CELSR2: variants seen among roughly 807,000 people sequenced by gnomAD.
CELSR2 encodes the protein EGF-like protein 2.
Under a neutral mutation model 251.6 loss-of-function variants are expected in CELSR2, and 81 were observed. That is an observed-to-expected ratio of 0.32 (90% CI 0.27 to 0.39). The LOEUF (loss-of-function observed/expected upper bound fraction) is 0.39. Among genes scored for constraint, CELSR2 ranks in the 10% least tolerant of loss-of-function variants. The pLI is 1.00. For synonymous variants in CELSR2, 1,721 were observed against 1,670.5 expected (o/e 1.03, Z -0.74); for missense variants, 3,365 against 3,947.7 (o/e 0.85, Z 3.96).
At position 109,267,804 on chromosome 1, in the gene CELSR2, C is replaced by A; in HGVS notation, c.6109-47C>A. ...TCTCACCTCCTGAGGTCCTTTTGCT[C>A]CAGAGTTCCTGCCCTCACTCCTGCT... On this transcript the variant is annotated intron_variant, in intron 16 of 33. Transcript: ENST00000271332. 2.5e-6 allele frequency: 4 copies of A among 1,585,658 alleles called. No individual in the cohort carries two copies. In the South Asian group the frequency reaches 4.5e-5, roughly 18 times the overall value.
chr1:109,263,201 G>C lies in CELSR2; in HGVS notation c.4768G>C (p.Val1590Leu), dbSNP rs750030005. 3.8e-6 allele frequency: 6 copies of C among 1,599,542 alleles called. No individual in the cohort carries two copies. Among genetic ancestry groups the C allele is most frequent in the Non-Finnish European group, 8.6e-7 (1 of 1,168,364 alleles). The change falls in exon 8 of 34, where the codon GTG becomes CTG. Residue 1590 changes from valine to leucine, a missense_variant. Val to Leu is a conservative substitution (Grantham distance 32). Around this residue, in one of 5 missense-constraint regions of CELSR2, gnomAD observed 2,093 missense variants for 2,382.8 expected, o/e 0.88. Transcript: ENST00000271332. ...CACTTGCCACAATGGGGGCACTTGC[G>C]TGAACCAGTGGGACGCGTTCAGCTG... is the stretch of plus-strand genomic sequence containing the variant. ...SNTCHNGGTC[V>L]NQWDAFSCEC...
In CELSR2 at chr1:109,269,130, C is replaced by A; in HGVS notation, c.6652C>A (p.Pro2218Thr). 4.4e-6 allele frequency: 7 copies of A among 1,606,226 alleles called. No homozygotes were observed. The highest frequency in any genetic ancestry group is 5.9e-6 in the Non-Finnish European group (7 of 1,176,484). The change falls in exon 20 of 34, where the codon CCC becomes ACC. Residue 2218 changes from proline (P) to threonine (T), a missense_variant. Physicochemically the swap from Pro to Thr is conservative, Grantham distance 38. This residue lies in a region of CELSR2 where 2,093 missense variants were observed against 2,382.8 expected (regional missense o/e 0.88). Transcript: ENST00000271332. The surrounding 1 kb of genome is among the most constrained non-coding windows in gnomAD (Gnocchi z 6.4). ...CCCAGAGACGCCCCCCGTGGTCAGG[C>A]CCGCAGGCCCCGGAGAGGCCCAGGA... ...VFRETPPVVR[P>T]AGPGEAQEPE...
chr1:109,263,840 C>T, intron 9 of CELSR2, 63 bp downstream of exon 9: 2 of 1,568,364 alleles, frequency 1.3e-6, no homozygotes, highest in South Asian at 2.3e-5. Context: ...CTCTAGGCGG[C>T]TGGACAGAAG....
chr1:109,268,983 C>T lies in CELSR2; in HGVS notation c.6606C>T (p.Val2202=). 1 of 1,613,286 alleles carries T rather than the reference C, an allele frequency of 6.2e-7. No homozygotes were observed. The highest frequency in any genetic ancestry group is 8.5e-7 in the Non-Finnish European group (1 of 1,179,502). The change falls in exon 19 of 34, where the codon GTC becomes GTT. Residue 2202 remains valine (V), a synonymous_variant. Coordinates refer to ENST00000271332, the MANE Select transcript of CELSR2 (RefSeq NM_001408.3). ...AGCCCCCGGACCTTGAGACAACAGT[C>T]ATTCTGCCTGAGTCTGTCTTCAGAG... is the stretch of plus-strand genomic sequence containing the variant. ...GEQPPDLETT[V]ILPESVFRET... is the part of the protein sequence containing the mutation.
chr1:109,251,699 G>A lies in CELSR2; in HGVS notation c.1620G>A (p.Leu540=), dbSNP rs112857965. 7.3e-4 allele frequency: 1,184 copies of A among 1,614,082 alleles called. 8 individuals carry two copies. In the African/African-American group the frequency reaches 0.014, roughly 19 times the overall value. Residue 540 remains leucine (L), a synonymous_variant, in exon 1 of 34, where the codon CTG becomes CTA. Coordinates refer to ENST00000271332, the MANE Select transcript of CELSR2 (RefSeq NM_001408.3). This position sits in a 1 kb window ranked among gnomAD's most constrained non-coding sequence, Gnocchi z 4.9. The part of the protein sequence containing the change: ...IDADAGDNAR[L]EYRLAGVGHD... ...CTGATGCTGGTGACAATGCCCGCCT[G>A]GAATACCGCCTTGCTGGGGTGGGAC... is the stretch of plus-strand genomic sequence containing the variant.
intron 6 of CELSR2, 97 bp from the exon 7 acceptor site, chr1:109,262,709 G>A: frequency 1.3e-6 from 2 of 1,553,206 alleles, no homozygotes; most frequent in South Asian, 1.2e-5. Flanking sequence ...TTGGACACCT[G>A]CCTACGCCGT....
rs1387670009 is a variant in CELSR2, at chr1:109,265,752, C to A, written c.5745C>A (p.Pro1915=). ...TTTCTCAGGAGAACCACTACCGGCC[C>A]CCAGGCAGCCCCACCTGCCTCTTGT... ...ECHCKENHYR[P]PGSPTCLLCD... Residue 1915 remains proline (P), a synonymous_variant, in exon 14 of 34, where the codon CCC becomes CCA. Coordinates refer to ENST00000271332, the MANE Select transcript of CELSR2 (RefSeq NM_001408.3). 15 of 1,611,964 alleles carry A rather than the reference C, an allele frequency of 9.3e-6. No homozygotes were observed. Among genetic ancestry groups the A allele is most frequent in the Non-Finnish European group, 1.3e-5 (15 of 1,178,322 alleles).
Position 109,275,104 on chromosome 1 carries a change from G to C in CELSR2, c.*1055G>C, listed in dbSNP as rs1334268610. The stretch of plus-strand genomic sequence containing the variant: ...ATGTTCTATTTTTAACCCCTTCTTG[G>C]AATTGGCTCTCTTCTTCAAAGGACC... On this transcript the variant is annotated 3_prime_UTR_variant, in exon 34 of 34. Transcript: ENST00000271332. 6.6e-6 allele frequency: 1 copy of C among 152,494 alleles called. No homozygotes were observed. The highest frequency in any genetic ancestry group is 1.9e-4 in the East Asian group (1 of 5,204). 9.4% of individuals were successfully genotyped at this position (152,494 alleles called of 1,614,324 possible).
In CELSR2 at chr1:109,252,634, A is replaced by G; in HGVS notation, c.2555A>G (p.Tyr852Cys). 6.2e-7 allele frequency: 1 copy of G among 1,613,796 alleles called. No homozygotes were observed. The highest frequency in any genetic ancestry group is 1.1e-5 in the South Asian group (1 of 91,084). Residue 852 changes from tyrosine to cysteine, a missense_variant, in exon 1 of 34, where the codon TAC (tyrosine) becomes TGC (cysteine). By Grantham distance (194) the Tyr-to-Cys change is radical. This residue lies in a region of CELSR2 where 505 missense variants were observed against 660.0 expected (regional missense o/e 0.77). Coordinates refer to ENST00000271332, the MANE Select transcript of CELSR2 (RefSeq NM_001408.3). This position sits in a 1 kb window ranked among gnomAD's most constrained non-coding sequence, Gnocchi z 4.8. ...RDSGLNGRVF[Y>C]TFQGGDDGDG... is the part of the protein sequence containing the mutation. ...TCTGGACTTAATGGCAGGGTCTTCTACACCTTCCAAGGAGGCGACGATGGA... is the reference window on the plus strand; with the variant it reads ...TCTGGACTTAATGGCAGGGTCTTCTGCACCTTCCAAGGAGGCGACGATGGA...
Position 109,269,391 on chromosome 1 carries a change from G to A in CELSR2, c.6813-33G>A, listed in dbSNP as rs750811946. ...GCGTCTCCCCAGTCATGTGACTGCCGTGGTGACTGTGCACCTGACTGCCCC... is the reference window on the plus strand; with the variant it reads ...GCGTCTCCCCAGTCATGTGACTGCCATGGTGACTGTGCACCTGACTGCCCC... On this transcript the variant is annotated intron_variant, in intron 20 of 33. Transcript: ENST00000271332. The surrounding 1 kb of genome is among the most constrained non-coding windows in gnomAD (Gnocchi z 6.4). 33 of 1,611,230 alleles carry A rather than the reference G, an allele frequency of 2.0e-5. No individual in the cohort carries two copies. The highest frequency in any genetic ancestry group is 7.7e-5 in the South Asian group (7 of 90,888).
Position 109,250,131 on chromosome 1 carries a change from CTGCTGCTGT to C in CELSR2, c.61_69del (p.Leu23_Leu25del). 1.3e-6 allele frequency: 2 copies of C among 1,593,888 alleles called. No homozygotes were observed. Among genetic ancestry groups the C allele is most frequent in the Non-Finnish European group, 1.7e-6 (2 of 1,173,092 alleles). On this transcript the variant is annotated inframe_deletion, in exon 1 of 34. Coordinates refer to ENST00000271332, the MANE Select transcript of CELSR2 (RefSeq NM_001408.3). This position sits in a 1 kb window ranked among gnomAD's most constrained non-coding sequence, Gnocchi z 4.4. ...CCTCCCAACGCCGCCGCCGCCGCTG[CTGCTGCTGT>C]TGCTGCTGCTGCTGCCGCCGCCACT...
Position 109,272,885 on chromosome 1 carries a change from C to G in CELSR2, c.8196C>G (p.Gly2732=), listed in dbSNP as rs368195654. 3 of 1,613,960 alleles carry G rather than the reference C, an allele frequency of 1.9e-6. No homozygotes were observed. The highest frequency in any genetic ancestry group is 2.5e-6 in the Non-Finnish European group (3 of 1,179,970). Residue 2732 remains glycine (G), a synonymous_variant, in exon 31 of 34, where the codon GGC becomes GGG. Transcript: ENST00000271332. ...TGTCCTTAGAAGACGACCAGAGTGG[C>G]TCCTATGCCTCTACCCACTCATCAG... The part of the protein sequence containing the change: ...SDLSLEDDQS[G]SYASTHSSDS...
At chr1:109,263,823 T>A (rs1245858275) in intron 9 of CELSR2, 46 bp downstream of exon 9, 1 of 1,591,396 alleles carries the variant, frequency 6.3e-7, no homozygotes, top group African/African-American at 1.3e-5. Flanking sequence ...CATAGGGCCC[T>A]GGTAGCCTCT....
In CELSR2 at chr1:109,258,679, G is replaced by C. The variant is rs748239280; in HGVS notation, c.3558G>C (p.Ser1186=). The C allele has an allele frequency of 1.3e-5, 20 of 1,548,236 alleles. No homozygotes were observed. Among genetic ancestry groups the C allele is most frequent in the Non-Finnish European group, 1.7e-5 (20 of 1,145,350 alleles). ...GCCACATCCTCAACGTGAGCCTGTC[G>C]GTGGGCCAGCCGCCAGGGCCCGGGG... The part of the protein sequence containing the change: ...PGGHILNVSL[S]VGQPPGPGGG... Residue 1186 remains serine (S), a synonymous_variant, in exon 2 of 34, where the codon TCG becomes TCC. Coordinates refer to ENST00000271332, the MANE Select transcript of CELSR2 (RefSeq NM_001408.3).
Position 109,272,873 on chromosome 1 carries a change from C to G in CELSR2, c.8184C>G (p.Asp2728Glu). 1 of 1,613,890 alleles carries G rather than the reference C, an allele frequency of 6.2e-7. No individual in the cohort carries two copies. The highest frequency in any genetic ancestry group is 8.5e-7 in the Non-Finnish European group (1 of 1,179,922). The change falls in exon 31 of 34, where the codon GAC becomes GAG. Residue 2728 changes from aspartate to glutamate, a missense_variant. Coordinates refer to ENST00000271332, the MANE Select transcript of CELSR2 (RefSeq NM_001408.3). ...CCGACAGTGACCTGTCCTTAGAAGACGACCAGAGTGGCTCCTATGCCTCTA... is the reference window on the plus strand; with the variant it reads ...CCGACAGTGACCTGTCCTTAGAAGAGGACCAGAGTGGCTCCTATGCCTCTA... ...TDSDSDLSLEDDQSGSYASTH... is the reference protein window; with the variant it reads ...TDSDSDLSLEEDQSGSYASTH...
At position 109,267,958 on chromosome 1, in the gene CELSR2, C is replaced by T. The variant is rs781376457; in HGVS notation, c.6216C>T (p.Ser2072=). 9 of 1,611,498 alleles carry T rather than the reference C, an allele frequency of 5.6e-6. No homozygotes were observed. The highest frequency in any genetic ancestry group is 3.3e-5 in the South Asian group (3 of 91,046). ...ATQHTAGYFG[S]DVKVAYQLAT... The stretch of plus-strand genomic sequence containing the variant: ...AGCACACAGCTGGCTACTTCGGCAG[C>T]GACGTCAAGGTGGCCTACCAGCTGG... The change falls in exon 17 of 34, where the codon AGC becomes AGT. Residue 2072 remains serine, a synonymous_variant. Coordinates refer to ENST00000271332, the MANE Select transcript of CELSR2 (RefSeq NM_001408.3).
In CELSR2 at chr1:109,274,223, A is replaced by C. The variant is rs1164791754; in HGVS notation, c.*174A>C. The stretch of plus-strand genomic sequence containing the variant: ...CCGGGAGGGGTACTCACCCCACCTA[A>C]GGCCATCTAGTGCCAACTCCCCCCC... On this transcript the variant is annotated 3_prime_UTR_variant, in exon 34 of 34. Transcript: ENST00000271332. The C allele has an allele frequency of 5.4e-6, 8 of 1,480,318 alleles. No individual in the cohort carries two copies. Among genetic ancestry groups the C allele is most frequent in the Non-Finnish European group, 7.2e-6 (8 of 1,115,122 alleles). 91.7% of individuals were successfully genotyped at this position (1,480,318 alleles called of 1,614,324 possible). A position where few individuals can be genotyped will look rare whatever the true frequency, so the allele number is the denominator to read the frequency against.
rs568874231 is a variant in CELSR2 at position 109,261,456 on chromosome 1, G to A, written c.4182-57G>A. The A allele has an allele frequency of 4.6e-6, 7 of 1,527,956 alleles. No individual in the cohort carries two copies. The highest frequency in any genetic ancestry group is 6.4e-6 in the Non-Finnish European group (7 of 1,102,002). The allele number at this position is 1,527,956 out of a possible 1,614,324, so 94.6% of individuals were successfully genotyped here. On this transcript the variant is annotated intron_variant, in intron 3 of 33. Coordinates refer to ENST00000271332, the MANE Select transcript of CELSR2 (RefSeq NM_001408.3). The surrounding 1 kb of genome is among the most constrained non-coding windows in gnomAD (Gnocchi z 4.8). Reference sequence around the variant, plus strand: ...CCCCTGCGCTGGTTAGGTGGCGGGGGTGCTGGCATCCAGGTGGGTACCCCA... The same window carrying A: ...CCCCTGCGCTGGTTAGGTGGCGGGGATGCTGGCATCCAGGTGGGTACCCCA...
At chr1:109,256,500 C>T (rs1267552729) in intron 1 of CELSR2, among the ~76,000 whole-genome samples, 6 of 152,202 alleles carry the variant, frequency 3.9e-5, no homozygotes, top group Non-Finnish European at 5.9e-5. Context: ...TCAGCCACCG[C>T]AAGTAGGTAC....
Sources: allele counts gnomAD v4.1 joint callset (sites outside exome capture counted in the v4.1 genomes callset), GRCh38; gene constraint gnomAD v4.1.1; regional missense constraint gnomAD v4.1.1; non-coding constraint Gnocchi (gnomAD v3.1); transcripts MANE v1.5; gene names NCBI Gene and HGNC (gene_info 2026-07-23, HGNC 2026-07-21).